Variants in ARRB1 observed in about 807,000 individuals in gnomAD.
ARRB1 encodes the protein beta-arrestin-1.
A neutral mutation model predicts 56.8 loss-of-function variants in ARRB1; 21 were observed. That is an observed-to-expected ratio of 0.37 (90% CI 0.26 to 0.53). The LOEUF is 0.53. Ranked by LOEUF, ARRB1 falls within the 20% of genes least tolerant of loss-of-function variation. The probability of loss-of-function intolerance (pLI) is 0.88; values close to 1 mark genes in which losing one functional copy is unlikely to be tolerated. For synonymous variants in ARRB1, 210 were observed against 218.6 expected (o/e 0.96, Z 0.35); for missense variants, 424 against 553.7 (o/e 0.77, Z 2.35).
At chr11:75,286,892 C>T (rs1386677630) in intron 3 of ARRB1, among the ~76,000 whole-genome samples, 2 of 152,170 alleles carry the variant, frequency 1.3e-5, no homozygotes, top group African/African-American at 4.8e-5. Flanking sequence ...GTTTTGCAGA[C>T]TCTGCCAGGT....
intron 1 of ARRB1, among the ~76,000 whole-genome samples, chr11:75,324,895 G>A (rs763778579): frequency 1.3e-5 from 2 of 152,096 alleles, no homozygotes; most frequent in African/African-American, 2.4e-5. Flanking sequence ...CCTGTCCCTG[G>A]GAGAAACCTC....
At chr11:75,283,110 G>A (rs758426184) in intron 5 of ARRB1, among the ~76,000 whole-genome samples, 177 bp downstream of exon 5, 12 of 152,172 alleles carry the variant, frequency 7.9e-5, no homozygotes, top group Admixed American at 3.3e-4. Context: ...CCCCAGCAGG[G>A]GCTGGAGAAG....
chr11:75,287,669 C>A (rs949207907), intron 2 of ARRB1, among the ~76,000 whole-genome samples: 1 of 152,204 alleles, frequency 6.6e-6, no homozygotes, highest in Non-Finnish European at 1.5e-5. Flanking sequence ...AGCACCACTG[C>A]CAGTGGAGCA....
chr11:75,287,281 C>A (rs1305102603), intron 3 of ARRB1, 34 bp downstream of exon 3: 2 of 1,542,372 alleles, frequency 1.3e-6, no homozygotes, highest in East Asian at 2.5e-5. Flanking sequence ...GCCACATCTT[C>A]CCCCAGCCCT....
chr11:75,302,981 C>T (rs1407775362), intron 1 of ARRB1, among the ~76,000 whole-genome samples: 3 of 140,238 alleles, frequency 2.1e-5, no homozygotes, highest in African/African-American at 8.7e-5. Flanking sequence ...TGATGTTTTT[C>T]CCCCAGATTA....
intron 3 of ARRB1, among the ~76,000 whole-genome samples, chr11:75,284,884 C>T (rs1206170406): frequency 1.4e-5 from 2 of 145,394 alleles, no homozygotes; most frequent in African/African-American, 5.1e-5. Context: ...GCCTGGGCAA[C>T]AGAGCGAGAC....
At chr11:75,299,322 G>A (rs189311969) in intron 1 of ARRB1, among the ~76,000 whole-genome samples, 73 of 151,448 alleles carry the variant, frequency 4.8e-4, no homozygotes, top group African/African-American at 1.7e-3. Context: ...AGAAGACTCC[G>A]CCCACCCACA....
intron 1 of ARRB1, among the ~76,000 whole-genome samples, chr11:75,316,588 C>T (rs1037741707): frequency 1.3e-5 from 2 of 151,964 alleles, no homozygotes; most frequent in Non-Finnish European, 2.9e-5. Context: ...CGCTTAAACC[C>T]CACAACAGCA....
chr11:75,284,471 C>T (rs891843854), intron 3 of ARRB1, among the ~76,000 whole-genome samples, 192 bp from the exon 4 acceptor site: 8 of 152,198 alleles, frequency 5.3e-5, no homozygotes, highest in Non-Finnish European at 1.2e-4. Flanking sequence ...CATCCCAGGC[C>T]AGTATAACAG....
intron 1 of ARRB1, among the ~76,000 whole-genome samples, chr11:75,331,627 T>C (rs1037984743): frequency 2.7e-5 from 4 of 150,430 alleles, no homozygotes; most frequent in Admixed American, 2.0e-4. Context: ...AACCCCCTTT[T>C]GACTGTAATT....
intron 2 of ARRB1, 151 bp downstream of exon 2, chr11:75,289,858 G>T: frequency 8.9e-7 from 1 of 1,122,890 alleles, no homozygotes; most frequent in Non-Finnish European, 1.3e-6. Flanking sequence ...CCAAGAGAGA[G>T]AGCTGTGTCA....
rs1193483313 is a variant in ARRB1, at chr11:75,261,487, C to T, written c.*4676G>A. The stretch of plus-strand genomic sequence containing the variant: ...GAAACCTATCCTTTGCCTCCACTCC[C>T]ATCTTCCCACTTTAGCATCCCCTGA... On this transcript the variant is annotated 3_prime_UTR_variant, in exon 16 of 16. Coordinates refer to ENST00000420843, the MANE Select transcript of ARRB1 (RefSeq NM_004041.5). The T allele has an allele frequency of 6.6e-6, 1 of 152,214 alleles. No individual in the cohort carries two copies. The highest frequency in any genetic ancestry group is 6.5e-5 in the Admixed American group (1 of 15,280). The allele number at this position is 152,214 out of a possible 1,614,324, so 9.4% of individuals were successfully genotyped here. A position where few individuals can be genotyped will look rare whatever the true frequency, so the allele number is the denominator to read the frequency against.
chr11:75,278,774 C>A, intron 7 of ARRB1, 30 bp from the exon 8 acceptor site: 1 of 1,581,182 alleles, frequency 6.3e-7, no homozygotes, highest in South Asian at 1.1e-5. Flanking sequence ...TGAAAGAGGA[C>A]CAGGGTCACC....
intron 1 of ARRB1, among the ~76,000 whole-genome samples, chr11:75,302,535 T>A (rs1317440148): frequency 6.6e-6 from 1 of 152,184 alleles, no homozygotes; most frequent in East Asian, 1.9e-4. Context: ...TTCCTGGGGC[T>A]GAGATGCAGG....
At chr11:75,272,342 G>A (rs980096048) in intron 12 of ARRB1, among the ~76,000 whole-genome samples, 4 of 152,226 alleles carry the variant, frequency 2.6e-5, no homozygotes, top group Admixed American at 2.6e-4. Flanking sequence ...GGGCAGGGCA[G>A]TCTGGTCCAC....
intron 1 of ARRB1, among the ~76,000 whole-genome samples, chr11:75,349,086 C>T (rs972674870): frequency 3.9e-5 from 6 of 152,254 alleles, no homozygotes; most frequent in Admixed American, 1.3e-4. Context: ...TCATGCCTTA[C>T]GGAAAAAGAC....
At chr11:75,318,674 A>C (rs1356605825) in intron 1 of ARRB1, among the ~76,000 whole-genome samples, 3 of 151,770 alleles carry the variant, frequency 2.0e-5, no homozygotes, top group African/African-American at 7.3e-5. Flanking sequence ...TGGGCAACAG[A>C]GTGAGACTCT....
chr11:75,284,184 G>C (rs948727260), intron 4 of ARRB1, 51 bp downstream of exon 4: 1 of 1,558,370 alleles, frequency 6.4e-7, no homozygotes, highest in East Asian at 2.3e-5. Context: ...AGAGGTCCGG[G>C]GGGAAGAGGA....
At chr11:75,266,967 T>A (rs960953811) in intron 15 of ARRB1, among the ~76,000 whole-genome samples, 2 of 152,172 alleles carry the variant, frequency 1.3e-5, no homozygotes, top group Non-Finnish European at 2.9e-5. Context: ...CGAGTTCCCT[T>A]CTACCATGAA....
Sources: allele counts gnomAD v4.1 joint callset (sites outside exome capture counted in the v4.1 genomes callset), GRCh38; gene constraint gnomAD v4.1.1; transcripts MANE v1.5; gene names NCBI Gene and HGNC (gene_info 2026-07-23, HGNC 2026-07-21).